The following PXMP4 variants were observed in gnomAD, a reference collection of about 807,000 sequenced individuals.
The protein encoded by PXMP4 is peroxisomal membrane protein 4, also known as 24 kDa peroxisomal intrinsic membrane protein.
PXMP4 carries 16 observed loss-of-function variants against 21.6 expected under a neutral mutation model. The observed-to-expected ratio is 0.74, with a 90% CI of 0.50 to 1.13. The LOEUF (loss-of-function observed/expected upper bound fraction) is 1.13. PXMP4 is among the 50% of genes most tolerant of loss of function. The pLI is 0.00. For synonymous variants in PXMP4, 127 were observed against 123.8 expected (o/e 1.03, Z -0.17); for missense variants, 240 against 277.7 (o/e 0.86, Z 0.96).
At position 33,707,816 on chromosome 20, in the gene PXMP4, T is replaced by G. The variant is rs755107015; in HGVS notation, c.529A>C (p.Thr177Pro). Residue 177 changes from threonine (T) to proline (P), a missense_variant, in exon 4 of 4, where the codon ACC becomes CCC. Coordinates refer to ENST00000409299, the MANE Select transcript of PXMP4 (RefSeq NM_007238.5). ...GAGGACTGCAGCGAGGGCTGCAGGG[T>G]GGATCGGTGATACTCAAAGAGCCAC... ...VLWLFEYHRS[T>P]LQPSLQSSMT... 1.7e-5 allele frequency: 27 copies of G among 1,613,942 alleles called. No homozygotes were observed. Among genetic ancestry groups the G allele is most frequent in the Non-Finnish European group, 2.0e-5 (24 of 1,180,034 alleles).
Position 33,706,594 on chromosome 20 carries a change from C to A in PXMP4, c.*1112G>T, listed in dbSNP as rs1025399998. On this transcript the variant is annotated 3_prime_UTR_variant, in exon 4 of 4. Coordinates refer to ENST00000409299, the MANE Select transcript of PXMP4 (RefSeq NM_007238.5). Reference sequence around the variant, plus strand: ...ATGATAAATTGAGGCTCTGAGAGGTCCAGAACCTTCCCCAAGGTTACACAG... The same window carrying A: ...ATGATAAATTGAGGCTCTGAGAGGTACAGAACCTTCCCCAAGGTTACACAG... 5.9e-5 allele frequency: 9 copies of A among 152,042 alleles called. No individual in the cohort carries two copies. The highest frequency in any genetic ancestry group is 2.2e-4 in the African/African-American group (9 of 41,414). The allele number at this position is 152,042 out of a possible 1,614,324, so 9.4% of individuals were successfully genotyped here.
Position 33,720,201 on chromosome 20 carries a change from C to T in PXMP4, c.7G>A (p.Ala3Thr), listed in dbSNP as rs199739038. 321 of 1,610,518 alleles carry T rather than the reference C, an allele frequency of 2.0e-4. 2 individuals are homozygous for T. The highest frequency in any genetic ancestry group is 1.8e-4 in the Admixed American group (11 of 59,808). Residue 3 changes from alanine (A) to threonine (T), a missense_variant, in exon 1 of 4, where the codon GCC becomes ACC. Ala to Thr is a moderately conservative substitution (Grantham distance 58, BLOSUM62 0). Transcript: ENST00000409299. MA[A>T]PPQLRALLVV... ...AGCAGAGCCCTTAGCTGCGGCGGGGCTGCCATAGTGCGGGCTGCGCGCAGG... is the reference window on the plus strand; with the variant it reads ...AGCAGAGCCCTTAGCTGCGGCGGGGTTGCCATAGTGCGGGCTGCGCGCAGG...
In PXMP4 at chr20:33,720,028, G is replaced by A. The variant is rs1195721075; in HGVS notation, c.113+67C>T. 4 of 1,489,910 alleles carry A rather than the reference G, an allele frequency of 2.7e-6. No individual in the cohort carries two copies. In the African/African-American group the frequency reaches 5.5e-5, roughly 21 times the overall value. 92.3% of individuals were successfully genotyped at this position (1,489,910 alleles called of 1,614,324 possible). A position where few individuals can be genotyped will look rare whatever the true frequency, so the allele number is the denominator to read the frequency against. On this transcript the variant is annotated intron_variant, in intron 1 of 3. Transcript: ENST00000409299. ...AAACAGCACCGCGGCATCGGACTTCGAACTCGCGCCTCTGACCCCAGGCAG... is the reference window on the plus strand; with the variant it reads ...AAACAGCACCGCGGCATCGGACTTCAAACTCGCGCCTCTGACCCCAGGCAG...
At chr20:33,708,158 G>C (rs1427652185) in intron 3 of PXMP4, among the ~76,000 whole-genome samples, 189 bp from the exon 4 acceptor site, 1 of 149,978 alleles carries the variant, frequency 6.7e-6, no homozygotes, top group Non-Finnish European at 1.5e-5. Context: ...TTTCCTGTTT[G>C]CAATTTCATT....
At position 33,707,418 on chromosome 20, in the gene PXMP4, C is replaced by T. The variant is rs931482283; in HGVS notation, c.*288G>A. 25 of 377,028 alleles carry T rather than the reference C, an allele frequency of 6.6e-5. No homozygotes were observed. Among genetic ancestry groups the T allele is most frequent in the Non-Finnish European group, 1.1e-4 (23 of 205,768 alleles). 23.4% of individuals were successfully genotyped at this position (377,028 alleles called of 1,614,324 possible). On this transcript the variant is annotated 3_prime_UTR_variant, in exon 4 of 4. Transcript: ENST00000409299. The stretch of plus-strand genomic sequence containing the variant: ...AGAGACCTCAGGGCCCTCCTCTGAG[C>T]TCCTTGACCCCTGAGGCCTAGAGAG...
intron 2 of PXMP4, among the ~76,000 whole-genome samples, chr20:33,714,255 C>G (rs892401706): frequency 6.6e-6 from 1 of 152,010 alleles, no homozygotes; most frequent in Non-Finnish European, 1.5e-5. Context: ...ACTTTAGGGC[C>G]GGGCACGGTG....
chr20:33,705,403 C>G lies in PXMP4; in HGVS notation c.*2303G>C, dbSNP rs1463217037. ...GATCATGAGGTCAGGAGATTGAGAC[C>G]ATCCTGGCTAACACGGTGAAACCCC... On this transcript the variant is annotated 3_prime_UTR_variant, in exon 4 of 4. Coordinates refer to ENST00000409299, the MANE Select transcript of PXMP4 (RefSeq NM_007238.5). 1 of 151,610 alleles carries G rather than the reference C, an allele frequency of 6.6e-6. No homozygotes were observed. Among genetic ancestry groups the G allele is most frequent in the African/African-American group, 2.4e-5 (1 of 41,308 alleles). 9.4% of individuals were successfully genotyped at this position (151,610 alleles called of 1,614,324 possible).
chr20:33,707,904 GT>G lies in PXMP4; in HGVS notation c.440del (p.Tyr147SerfsTer40). The G allele has an allele frequency of 2.5e-6, 4 of 1,614,150 alleles. No individual in the cohort carries two copies. The highest frequency in any genetic ancestry group is 3.4e-6 in the Non-Finnish European group (4 of 1,180,046). ...ACGGGTCCCACCTGGGTTCAGGGAT[GT>G]AGCCCTTCTCTACAGCCAGGCGGCT... ...ALSRLAVEKG[Y>X]IPEPRWDPFP... On this transcript the variant is annotated frameshift_variant, in exon 4 of 4. Coordinates refer to ENST00000409299, the MANE Select transcript of PXMP4 (RefSeq NM_007238.5). LOFTEE classifies it high-confidence loss of function.
intron 3 of PXMP4, among the ~76,000 whole-genome samples, chr20:33,710,245 C>G (rs2018310598): frequency 6.7e-6 from 1 of 150,004 alleles, no homozygotes; most frequent in Non-Finnish European, 1.5e-5. Context: ...TCCCCCACTC[C>G]CACCTCTATC....
intron 2 of PXMP4, 121 bp from the exon 3 acceptor site, chr20:33,710,874 G>T: frequency 1.0e-6 from 1 of 965,668 alleles, no homozygotes; most frequent in Non-Finnish European, 1.5e-6. Flanking sequence ...TCAGTCACCG[G>T]CCTCTACCCT....
intron 3 of PXMP4, 31 bp downstream of exon 3, chr20:33,710,524 T>A: frequency 1.9e-6 from 2 of 1,061,258 alleles, no homozygotes; most frequent in Admixed American, 2.4e-5. Flanking sequence ...CCACGCCCCC[T>A]TCACTACCCC....
In PXMP4 at chr20:33,703,599, C is replaced by G. The variant is rs1357145044; in HGVS notation, c.*4107G>C. 6.6e-6 allele frequency: 1 copy of G among 152,370 alleles called. No homozygotes were observed. The highest frequency in any genetic ancestry group is 1.9e-4 in the East Asian group (1 of 5,196). The allele number at this position is 152,370 out of a possible 1,614,324, so 9.4% of individuals were successfully genotyped here. On this transcript the variant is annotated 3_prime_UTR_variant, in exon 4 of 4. Coordinates refer to ENST00000409299, the MANE Select transcript of PXMP4 (RefSeq NM_007238.5). ...AAGTGGTTCATATGGGAAGTGGTCC[C>G]AGGAAGCACTGGTAGGGGCATGAGG... is the stretch of plus-strand genomic sequence containing the variant.
intron 2 of PXMP4, 23 bp from the exon 3 acceptor site, chr20:33,710,776 G>A: frequency 6.4e-7 from 1 of 1,570,818 alleles, no homozygotes; most frequent in Non-Finnish European, 8.7e-7. Context: ...AGGTGCCCCT[G>A]CCATGAGTGC....
At position 33,706,039 on chromosome 20, in the gene PXMP4, C is replaced by A. The variant is rs2018253740; in HGVS notation, c.*1667G>T. ...CTCCCAGGTTCAAGCGATTCTCCTGCCTCAGCCTCCCCAGTAGCTGGGATT... is the reference window on the plus strand; with the variant it reads ...CTCCCAGGTTCAAGCGATTCTCCTGACTCAGCCTCCCCAGTAGCTGGGATT... On this transcript the variant is annotated 3_prime_UTR_variant, in exon 4 of 4. Transcript: ENST00000409299. 6.6e-6 allele frequency: 1 copy of A among 152,164 alleles called. No homozygotes were observed. The highest frequency in any genetic ancestry group is 1.5e-5 in the Non-Finnish European group (1 of 68,170). 9.4% of individuals were successfully genotyped at this position (152,164 alleles called of 1,614,324 possible).
rs1293629246 is a variant in PXMP4 at position 33,704,632 on chromosome 20, A to G, written c.*3074T>C. The G allele has an allele frequency of 6.6e-6, 1 of 152,212 alleles. No homozygotes were observed. Among genetic ancestry groups the G allele is most frequent in the Non-Finnish European group, 1.5e-5 (1 of 68,028 alleles). The allele number at this position is 152,212 out of a possible 1,614,324, so 9.4% of individuals were successfully genotyped here. On this transcript the variant is annotated 3_prime_UTR_variant, in exon 4 of 4. Coordinates refer to ENST00000409299, the MANE Select transcript of PXMP4 (RefSeq NM_007238.5). ...CTGAAAACACAGCTTACAGAATCAGACTGATCCCACCTCAATTACCTAAGG... is the reference window on the plus strand; with the variant it reads ...CTGAAAACACAGCTTACAGAATCAGGCTGATCCCACCTCAATTACCTAAGG...
Position 33,710,747 on chromosome 20 carries a change from C to G in PXMP4, c.183G>C (p.Gln61His). Residue 61 changes from glutamine (Q) to histidine (H), a missense_variant, in exon 3 of 4, where the codon CAG becomes CAC. Transcript: ENST00000409299. ...MTFLFRNGSL[Q>H]EKLWAILQAT... Reference sequence around the variant, plus strand: ...CCTGCAGTATGGCCCACAGCTTCTCCTGGAGGCTGCACAAACACAGGTGCC... The same window carrying G: ...CCTGCAGTATGGCCCACAGCTTCTCGTGGAGGCTGCACAAACACAGGTGCC... 1 of 1,601,518 alleles carries G rather than the reference C, an allele frequency of 6.2e-7. No homozygotes were observed. Among genetic ancestry groups the G allele is most frequent in the Non-Finnish European group, 8.5e-7 (1 of 1,172,284 alleles).
chr20:33,710,887 A>C, intron 2 of PXMP4, 134 bp from the exon 3 acceptor site: 1 of 849,896 alleles, frequency 1.2e-6, no homozygotes, highest in Admixed American at 3.0e-5. Context: ...TCTACCCTTC[A>C]TGTTCTCTCC....
At chr20:33,718,462 G>C (rs2018407424) in intron 1 of PXMP4, among the ~76,000 whole-genome samples, 1 of 126,786 alleles carries the variant, frequency 7.9e-6, no homozygotes, top group Non-Finnish European at 1.6e-5. Flanking sequence ...AGTGAGCCGA[G>C]ATTGCGCCAC....
chr20:33,712,629 CATTT>C (rs1335445427), intron 2 of PXMP4, among the ~76,000 whole-genome samples: 5 of 151,294 alleles, frequency 3.3e-5, no homozygotes, highest in East Asian at 3.9e-4. Context: ...TTTGTTTGTT[CATTT>C]ATTTATTTAT....
Sources: allele counts gnomAD v4.1 joint callset (sites outside exome capture counted in the v4.1 genomes callset), GRCh38; gene constraint gnomAD v4.1.1; transcripts MANE v1.5; gene names NCBI Gene and HGNC (gene_info 2026-07-23, HGNC 2026-07-21).